The following KHDRBS2 variants were observed in gnomAD, a reference collection of about 807,000 sequenced individuals.
The protein encoded by KHDRBS2 is KH RNA binding domain containing, signal transduction associated 2.
In KHDRBS2, 26 loss-of-function variants were observed where a neutral mutation model predicts 44.3. The ratio of observed to expected loss-of-function variants is 0.59; its 90% CI spans 0.43 to 0.81. The LOEUF is 0.81. Ranked by LOEUF, KHDRBS2 falls within the 40% of genes least tolerant of loss-of-function variation. KHDRBS2 has a pLI of 0.00. For synonymous variants in KHDRBS2, 194 were observed against 151.1 expected (o/e 1.28, Z -2.08); for missense variants, 476 against 433.1 (o/e 1.10, Z -0.88).
intron 7 of KHDRBS2, among the ~76,000 whole-genome samples, chr6:61,731,954 T>G (rs1368209534): frequency 6.6e-6 from 1 of 152,088 alleles, no homozygotes; most frequent in East Asian, 1.9e-4. Flanking sequence ...AAAAAACAGA[T>G]AGTTGGTTTC....
intron 2 of KHDRBS2, among the ~76,000 whole-genome samples, chr6:62,126,186 G>T (rs1444926023): frequency 6.6e-6 from 1 of 152,152 alleles, no homozygotes; most frequent in East Asian, 1.9e-4. Flanking sequence ...GGCCTTGAGT[G>T]AACATTAGCG....
rs116723181 is a variant in KHDRBS2, at chr6:62,187,291, A to C, written c.92-9979T>G. ...GCAAGGAAAGTAAGAGATTTGAATAATAAAGCCCAGGTTCTGAACCATTAT... is the reference window on the plus strand; with the variant it reads ...GCAAGGAAAGTAAGAGATTTGAATACTAAAGCCCAGGTTCTGAACCATTAT... On this transcript the variant is annotated intron_variant, in intron 1 of 8. Transcript: ENST00000281156. 8.0e-3 allele frequency among the ~76,000 whole-genome samples: 1,216 copies of C among 152,258 alleles called. 16 individuals carry two copies. Among genetic ancestry groups the C allele is most frequent in the African/African-American group, 0.028 (1,151 of 41,562 alleles).
At chr6:61,805,971 A>C (rs1057149028) in intron 6 of KHDRBS2, among the ~76,000 whole-genome samples, 1 of 152,196 alleles carries the variant, frequency 6.6e-6, no homozygotes, top group African/African-American at 2.4e-5. Flanking sequence ...CAGTCACACA[A>C]GTAATTAGTG....
chr6:61,813,763 T>G, intron 6 of KHDRBS2, among the ~76,000 whole-genome samples: 1 of 152,260 alleles, frequency 6.6e-6, no homozygotes, highest in South Asian at 2.1e-4. Context: ...CCATAAGAGT[T>G]AAATGAAATT....
At chr6:61,987,791 A>T (rs1775338883) in intron 3 of KHDRBS2, among the ~76,000 whole-genome samples, 2 of 152,310 alleles carry the variant, frequency 1.3e-5, no homozygotes, top group Admixed American at 1.3e-4. Flanking sequence ...CAATAGCTAG[A>T]TCCTGAAGAG....
chr6:62,053,958 G>A (rs1469714544), intron 2 of KHDRBS2, among the ~76,000 whole-genome samples: 1 of 151,828 alleles, frequency 6.6e-6, no homozygotes. Context: ...CATTTATATA[G>A]GAATTTTAAA....
At chr6:62,050,697 G>GT (rs1394134108) in intron 2 of KHDRBS2, among the ~76,000 whole-genome samples, 1 of 151,938 alleles carries the variant, frequency 6.6e-6, no homozygotes, top group Non-Finnish European at 1.5e-5. Context: ...GCTGTTGGCA[G>GT]TTTAAAATGA....
intron 6 of KHDRBS2, among the ~76,000 whole-genome samples, chr6:61,734,140 T>TAGG (rs1288210035): frequency 1.3e-5 from 2 of 152,178 alleles, no homozygotes; most frequent in Non-Finnish European, 2.9e-5. Flanking sequence ...CACGTGGTCT[T>TAGG]ACCATCATAT....
chr6:61,960,324 T>A (rs182815486), intron 4 of KHDRBS2, among the ~76,000 whole-genome samples: 19 of 152,142 alleles, frequency 1.2e-4, no homozygotes, highest in East Asian at 1.2e-3. Context: ...AGATTTATTT[T>A]AAAAAAATCA....
chr6:61,816,851 A>G (rs891322908), intron 6 of KHDRBS2: 3 of 418,844 alleles, frequency 7.2e-6, no homozygotes, highest in African/African-American at 6.2e-5. Flanking sequence ...TTCCTCTTAA[A>G]TCTATGAGTG....
intron 1 of KHDRBS2, among the ~76,000 whole-genome samples, chr6:62,238,131 T>C (rs1314886702): frequency 1.3e-5 from 2 of 152,096 alleles, no homozygotes; most frequent in Non-Finnish European, 2.9e-5. Context: ...ATTAATTAGA[T>C]GTAAGTTTCA....
intron 3 of KHDRBS2, among the ~76,000 whole-genome samples, chr6:61,988,216 G>A (rs1246070021): frequency 2.0e-5 from 3 of 152,154 alleles, no homozygotes; most frequent in Non-Finnish European, 2.9e-5. Flanking sequence ...GTGAAAGAGT[G>A]TCTTGATATA....
At position 61,974,679 on chromosome 6, in the gene KHDRBS2, T is replaced by A. The variant is rs1450656915; in HGVS notation, c.483+3387A>T. ...TGGGTGTGGTGGCTCACATCTGTAATCCCAGCACTTTGGGAGGCTGAGGCG... is the reference window on the plus strand; with the variant it reads ...TGGGTGTGGTGGCTCACATCTGTAAACCCAGCACTTTGGGAGGCTGAGGCG... On this transcript the variant is annotated intron_variant, in intron 4 of 8. Coordinates refer to ENST00000281156, the MANE Select transcript of KHDRBS2 (RefSeq NM_152688.4). Among the ~76,000 whole-genome samples the A allele has an allele frequency of 3.9e-5, 6 of 152,142 alleles. No individual in the cohort carries two copies. The East Asian group carries it at 9.7e-4, about 25-fold the overall frequency.
the KHDRBS2 span, among the ~76,000 whole-genome samples, chr6:61,561,522 T>C: frequency 5.3e-5 from 8 of 152,276 alleles, no homozygotes; most frequent in Middle Eastern, 3.4e-3. Flanking sequence ...CTACTTGGTG[T>C]TCTATTCTAC....
At chr6:62,241,985 T>C (rs1028779869) in intron 1 of KHDRBS2, among the ~76,000 whole-genome samples, 3 of 152,170 alleles carry the variant, frequency 2.0e-5, no homozygotes, top group African/African-American at 7.2e-5. Context: ...GAAGTTTAGA[T>C]TGTCCTAACT....
chr6:61,955,213 CAT>C (rs1215568689), intron 4 of KHDRBS2, among the ~76,000 whole-genome samples: 8 of 139,616 alleles, frequency 5.7e-5, no homozygotes, highest in African/African-American at 1.3e-4. Context: ...TATATGTATA[CAT>C]ATGTGTATAT....
At chr6:62,177,372 G>C (rs1052888135) in intron 1 of KHDRBS2, 60 bp from the exon 2 acceptor site, 2 of 1,285,086 alleles carry the variant, frequency 1.6e-6, no homozygotes, top group South Asian at 1.4e-5. Context: ...TCATAAATAT[G>C]CTGAAAAATG....
chr6:61,983,220 C>CTTTCT (rs1562580721), intron 3 of KHDRBS2, among the ~76,000 whole-genome samples: 1 of 76,452 alleles, frequency 1.3e-5, no homozygotes, highest in Non-Finnish European at 2.5e-5. Flanking sequence ...TTCTTTCTTT[C>CTTTCT]TTTCTTTCTT....
At chr6:61,695,166 G>A (rs559569176) in intron 8 of KHDRBS2, among the ~76,000 whole-genome samples, 1 of 152,094 alleles carries the variant, frequency 6.6e-6, no homozygotes, top group Non-Finnish European at 1.5e-5. Context: ...CAGGTTTAAA[G>A]TACCACATCC....
Sources: allele counts gnomAD v4.1 joint callset (sites outside exome capture counted in the v4.1 genomes callset), GRCh38; gene constraint gnomAD v4.1.1; transcripts MANE v1.5; gene names NCBI Gene and HGNC (gene_info 2026-07-23, HGNC 2026-07-21).